The following WTIP variants were observed in gnomAD, a reference collection of about 807,000 sequenced individuals.
WTIP encodes the protein Wilms tumor protein 1-interacting protein.
WTIP carries 23 observed loss-of-function variants against 41.7 expected under a neutral mutation model. The observed-to-expected ratio is 0.55, with a 90% CI of 0.40 to 0.78. The LOEUF is 0.78. Ranked by LOEUF, WTIP falls within the 30% of genes least tolerant of loss-of-function variation. The pLI is 0.00. For missense variants in WTIP, 619 were observed against 610.5 expected (o/e 1.01, Z -0.15); for synonymous variants, 314 against 269.9 (o/e 1.16, Z -1.60).
chr19:34,499,466 A>T (rs1261875436), intron 7 of WTIP, among the ~76,000 whole-genome samples: 5 of 150,340 alleles, frequency 3.3e-5, no homozygotes, highest in African/African-American at 1.2e-4. Flanking sequence ...TGGGATCCAG[A>T]CACTGCATTC....
intron 1 of WTIP, among the ~76,000 whole-genome samples, chr19:34,487,386 G>A (rs1364390936): frequency 1.3e-5 from 2 of 152,238 alleles, no homozygotes; most frequent in Non-Finnish European, 2.9e-5. Flanking sequence ...ACAGGCGTGA[G>A]CCACTGCGCC....
rs755494917 is a variant in WTIP at position 34,505,448 on chromosome 19, C to G, written c.*5179C>G. On this transcript the variant is annotated 3_prime_UTR_variant, in exon 8 of 8. Coordinates refer to ENST00000590071, the MANE Select transcript of WTIP (RefSeq NM_001080436.2). ...AGGATTCCCCAGGGATGCCAGCCCCCCTGTGGGCCCTCAGGACTGGTAGCC... is the reference window on the plus strand; with the variant it reads ...AGGATTCCCCAGGGATGCCAGCCCCGCTGTGGGCCCTCAGGACTGGTAGCC... The G allele has an allele frequency of 2.0e-5, 3 of 152,288 alleles. No individual in the cohort carries two copies. The highest frequency in any genetic ancestry group is 2.9e-5 in the Non-Finnish European group (2 of 68,114). The allele number at this position is 152,288 out of a possible 1,614,324, so 9.4% of individuals were successfully genotyped here. A position where few individuals can be genotyped will look rare whatever the true frequency, so the allele number is the denominator to read the frequency against.
intron 7 of WTIP, 137 bp from the exon 8 acceptor site, chr19:34,499,992 C>T: frequency 7.8e-7 from 1 of 1,286,954 alleles, no homozygotes; most frequent in Non-Finnish European, 1.0e-6. Context: ...TGAGCCCCTG[C>T]GCCCGGCGGA....
chr19:34,484,859 G>A (rs1357980805), intron 1 of WTIP, among the ~76,000 whole-genome samples: 2 of 149,516 alleles, frequency 1.3e-5, no homozygotes, highest in Non-Finnish European at 3.0e-5. Flanking sequence ...GAACCCAGGA[G>A]TTCCAGGCTG....
At chr19:34,492,944 C>T (rs913311280) in intron 2 of WTIP, 93 bp from the exon 3 acceptor site, 1 of 1,240,968 alleles carries the variant, frequency 8.1e-7, no homozygotes, top group East Asian at 2.3e-5. Context: ...CCCAGTGTCT[C>T]ATCTGTTGGA....
In WTIP at chr19:34,501,494, T is replaced by TC. The variant is rs1480060654; in HGVS notation, c.*1225_*1226insC. 1 of 152,230 alleles carries TC rather than the reference T, an allele frequency of 6.6e-6. No individual in the cohort carries two copies. Among genetic ancestry groups the TC allele is most frequent in the Non-Finnish European group, 1.5e-5 (1 of 68,104 alleles). The allele number at this position is 152,230 out of a possible 1,614,324, so 9.4% of individuals were successfully genotyped here. ...GGTCCTGATGCGGAATCCCCAGGGGTTCAGGGGACATCTGGACTGAAGTCA... is the reference window on the plus strand; with the variant it reads ...GGTCCTGATGCGGAATCCCCAGGGGTCTCAGGGGACATCTGGACTGAAGTCA... On this transcript the variant is annotated 3_prime_UTR_variant, in exon 8 of 8. Transcript: ENST00000590071.
chr19:34,490,005 A>G (rs2075817489), intron 1 of WTIP, among the ~76,000 whole-genome samples: 1 of 152,084 alleles, frequency 6.6e-6, no homozygotes, highest in Non-Finnish European at 1.5e-5. Flanking sequence ...TTGGGAGGCC[A>G]AGGCAGGAGG....
Position 34,481,939 on chromosome 19 carries a change from G to C in WTIP, c.-36G>C. ...GGCCGGAGCGGCGGCGGGAAGCGGA[G>C]GCGGAGGTGACGCGCCAGGGCCGGC... On this transcript the variant is annotated 5_prime_UTR_variant, in exon 1 of 8. Coordinates refer to ENST00000590071, the MANE Select transcript of WTIP (RefSeq NM_001080436.2). 7.1e-6 allele frequency: 7 copies of C among 990,930 alleles called. No homozygotes were observed. The highest frequency in any genetic ancestry group is 7.2e-6 in the Non-Finnish European group (6 of 834,254). 61.4% of individuals were successfully genotyped at this position (990,930 alleles called of 1,614,324 possible). A position where few individuals can be genotyped will look rare whatever the true frequency, so the allele number is the denominator to read the frequency against.
intron 2 of WTIP, among the ~76,000 whole-genome samples, chr19:34,491,742 T>G (rs1377852730): frequency 6.6e-6 from 1 of 152,048 alleles, no homozygotes; most frequent in African/African-American, 2.4e-5. Flanking sequence ...TGTCCCAGTT[T>G]CAAGTGATTC....
chr19:34,493,023 C>T lies in WTIP; in HGVS notation c.770-14C>T. On this transcript the variant is annotated splice_polypyrimidine_tract_variant and intron_variant, in intron 2 of 7. Transcript: ENST00000590071. This position sits in a 1 kb window ranked among gnomAD's most constrained non-coding sequence, Gnocchi z 4.1. ...CAGCGTTCCAGGGACCCCTCTCAAC[C>T]CTCACCCTTGCAGGGAGACGACTCC... 6.2e-7 allele frequency: 1 copy of T among 1,613,902 alleles called. No homozygotes were observed. The highest frequency in any genetic ancestry group is 2.2e-5 in the East Asian group (1 of 44,876).
Position 34,506,428 on chromosome 19 carries a change from C to T in WTIP, c.*6159C>T, listed in dbSNP as rs1259075393. The T allele has an allele frequency of 2.0e-5, 3 of 152,192 alleles. No individual in the cohort carries two copies. Among genetic ancestry groups the T allele is most frequent in the African/African-American group, 7.2e-5 (3 of 41,432 alleles). 9.4% of individuals were successfully genotyped at this position (152,192 alleles called of 1,614,324 possible). On this transcript the variant is annotated 3_prime_UTR_variant, in exon 8 of 8. Transcript: ENST00000590071. ...TATCATCCTATTTACTCTGGAAAGC[C>T]TTGTCTCGTGTTTTAGAGCTTGTAG...
At position 34,482,602 on chromosome 19, in the gene WTIP, G is replaced by C. The variant is rs1030407287; in HGVS notation, c.628G>C (p.Glu210Gln). Residue 210 changes from glutamate (E) to glutamine (Q), a missense_variant, in exon 1 of 8, where the codon GAG becomes CAG. Coordinates refer to ENST00000590071, the MANE Select transcript of WTIP (RefSeq NM_001080436.2). ...RRLEALTREL[E>Q]RALEARTARD... ...GCTGGAGGCGCTCACCCGGGAGCTG[G>C]AGCGGGCGCTCGAGGCGCGCACGGC... is the stretch of plus-strand genomic sequence containing the variant. 9.8e-6 allele frequency: 12 copies of C among 1,230,026 alleles called. No individual in the cohort carries two copies. The highest frequency in any genetic ancestry group is 1.2e-5 in the Non-Finnish European group (12 of 987,054). 76.2% of individuals were successfully genotyped at this position (1,230,026 alleles called of 1,614,324 possible).
rs2075838930 is a variant in WTIP, at chr19:34,493,809, C to T, written c.1031+187C>T. ...GCATCCCCTCTCCTGGTGGTCCGGC[C>T]ACCAGCTGTCTTTTGCCTCTTCTCT... is the stretch of plus-strand genomic sequence containing the variant. On this transcript the variant is annotated intron_variant, in intron 5 of 7. Transcript: ENST00000590071. The surrounding 1 kb of genome is among the most constrained non-coding windows in gnomAD (Gnocchi z 4.1). Among the ~76,000 whole-genome samples the T allele has an allele frequency of 6.6e-6, 1 of 152,070 alleles. No individual in the cohort carries two copies. The highest frequency in any genetic ancestry group is 1.5e-5 in the Non-Finnish European group (1 of 68,002).
intron 1 of WTIP, among the ~76,000 whole-genome samples, chr19:34,485,281 C>T (rs2145592364): frequency 6.6e-6 from 1 of 152,196 alleles, no homozygotes; most frequent in African/African-American, 2.4e-5. Flanking sequence ...TGAGGTTTCA[C>T]CATGTTGGCC....
At chr19:34,497,952 G>A (rs1268878995) in intron 7 of WTIP, among the ~76,000 whole-genome samples, 2 of 152,186 alleles carry the variant, frequency 1.3e-5, no homozygotes, top group African/African-American at 2.4e-5. Context: ...CGGGGCAGGC[G>A]GCTGGTGGTG....
rs1237266608 is a variant in WTIP, at chr19:34,482,152, G to A, written c.178G>A (p.Glu60Lys). 8.4e-6 allele frequency: 9 copies of A among 1,069,288 alleles called. No individual in the cohort carries two copies. In the South Asian group the frequency reaches 3.5e-4, roughly 41 times the overall value. 66.2% of individuals were successfully genotyped at this position (1,069,288 alleles called of 1,614,324 possible). Residue 60 changes from glutamate to lysine, a missense_variant, in exon 1 of 8, where the codon GAG (glutamate) becomes AAG (lysine). Around this residue, in one of 3 missense-constraint regions of WTIP, gnomAD observed 363 missense variants for 309.0 expected, o/e 1.17. Coordinates refer to ENST00000590071, the MANE Select transcript of WTIP (RefSeq NM_001080436.2). ...GRRGKGSGGPEAGADGLSRGE... is the reference protein window; with the variant it reads ...GRRGKGSGGPKAGADGLSRGE... ...CAGAGGGAAGGGCAGCGGCGGCCCC[G>A]AGGCCGGGGCGGACGGACTGAGCCG...
At chr19:34,483,000 TTTC>T (rs1183770193) in intron 1 of WTIP, among the ~76,000 whole-genome samples, 7 of 142,958 alleles carry the variant, frequency 4.9e-5, no homozygotes, top group African/African-American at 1.6e-4. Flanking sequence ...TTTTTTTTTC[TTTC>T]TTCTTTTTTT....
At chr19:34,489,839 C>G (rs1467417596) in intron 1 of WTIP, among the ~76,000 whole-genome samples, 3 of 152,166 alleles carry the variant, frequency 2.0e-5, no homozygotes, top group Non-Finnish European at 4.4e-5. Context: ...GAGGCTGAGG[C>G]TGGAGGATCG....
rs767308834 is a variant in WTIP, at chr19:34,490,432, A to G, written c.724A>G (p.Met242Val). The G allele has an allele frequency of 2.5e-6, 4 of 1,613,926 alleles. No homozygotes were observed. In the South Asian group the frequency reaches 3.3e-5, roughly 13 times the overall value. The change falls in exon 2 of 8, where the codon ATG becomes GTG. Residue 242 changes from methionine to valine, a missense_variant. This residue lies in a region of WTIP where 164 missense variants were observed against 219.1 expected (regional missense o/e 0.75). Coordinates refer to ENST00000590071, the MANE Select transcript of WTIP (RefSeq NM_001080436.2). ...IYGAQQACQA[M>V]GSLYHTDCFT... ...CGGAGCCCAGCAGGCGTGCCAGGCA[A>G]TGGGGAGTCTTTATCACACTGACTG... is the stretch of plus-strand genomic sequence containing the variant.
Sources: allele counts gnomAD v4.1 joint callset (sites outside exome capture counted in the v4.1 genomes callset), GRCh38; gene constraint gnomAD v4.1.1; regional missense constraint gnomAD v4.1.1; non-coding constraint Gnocchi (gnomAD v3.1); transcripts MANE v1.5; gene names NCBI Gene and HGNC (gene_info 2026-07-23, HGNC 2026-07-21).